Variants in SLC25A21 observed in about 807,000 individuals in gnomAD.
SLC25A21 encodes the protein solute carrier family 25 member 21.
SLC25A21 carries 47 observed loss-of-function variants against 43.8 expected under a neutral mutation model. That is an observed-to-expected ratio of 1.07 (90% CI 0.85 to 1.37). The LOEUF (loss-of-function observed/expected upper bound fraction) is 1.37. Ranked by LOEUF, SLC25A21 falls within the 40% of genes most tolerant of loss-of-function variation. The pLI is 0.00. For synonymous variants in SLC25A21, 131 were observed against 121.3 expected (o/e 1.08, Z -0.52); for missense variants, 352 against 350.2 (o/e 1.00, Z -0.04).
chr14:37,052,850 C>G (rs1055113904), intron 1 of SLC25A21, among the ~76,000 whole-genome samples: 2 of 152,096 alleles, frequency 1.3e-5, no homozygotes, highest in Non-Finnish European at 2.9e-5. Context: ...GTTGGCCAGA[C>G]TGATTTCGAA....
rs186277084 is a variant in SLC25A21 at position 36,740,641 on chromosome 14, A to C, written c.204-6068T>G. Among the ~76,000 whole-genome samples, 804 of 131,950 alleles carry C rather than the reference A, an allele frequency of 6.1e-3. 16 individuals are homozygous for C. Among genetic ancestry groups the C allele is most frequent in the Middle Eastern group, 4.6e-3 (1 of 216 alleles). 86.6% of individuals were successfully genotyped at this position (131,950 alleles called of 152,430 possible). On this transcript the variant is annotated intron_variant, in intron 3 of 9. Transcript: ENST00000331299. ...CATTCAACCCCCCCACCCCCATCTT[A>C]AAAGTGTGAAGCTATCTAACATATG...
At chr14:36,891,624 A>G (rs1200229653) in intron 1 of SLC25A21, among the ~76,000 whole-genome samples, 1 of 152,196 alleles carries the variant, frequency 6.6e-6, no homozygotes. Context: ...TAGCACCAGC[A>G]AAATCTATTC....
At chr14:36,878,588 C>T (rs1890615517) in intron 1 of SLC25A21, among the ~76,000 whole-genome samples, 1 of 152,056 alleles carries the variant, frequency 6.6e-6, no homozygotes, top group Non-Finnish European at 1.5e-5. Context: ...TAGAAGTGAC[C>T]TCAAGAAACT....
chr14:36,948,474 T>C (rs1416628688), intron 1 of SLC25A21, among the ~76,000 whole-genome samples: 2 of 152,072 alleles, frequency 1.3e-5, no homozygotes, highest in African/African-American at 2.4e-5. Flanking sequence ...AGAGAACAGA[T>C]AAAAATAATA....
chr14:36,905,565 T>C (rs1052018989), intron 1 of SLC25A21, among the ~76,000 whole-genome samples: 1 of 152,188 alleles, frequency 6.6e-6, no homozygotes, highest in Non-Finnish European at 1.5e-5. Flanking sequence ...AGTTCTCTAA[T>C]GAATAAAGCT....
chr14:36,909,241 G>A lies in SLC25A21; in HGVS notation c.71-34237C>T, dbSNP rs190498867. On this transcript the variant is annotated intron_variant, in intron 1 of 9. Transcript: ENST00000331299. ...CGAGGGGTCTGGTAGGCAACCAAAT[G>A]GGATGATACGCAGTTAGAAGCCTTG... is the stretch of plus-strand genomic sequence containing the variant. 9.8e-4 allele frequency among the ~76,000 whole-genome samples: 149 copies of A among 152,212 alleles called. 7 individuals carry two copies. The East Asian group carries it at 0.024, about 24-fold the overall frequency.
intron 1 of SLC25A21, among the ~76,000 whole-genome samples, chr14:37,008,578 T>C (rs183624197): frequency 4.7e-4 from 71 of 152,294 alleles, no homozygotes; most frequent in Non-Finnish European, 8.4e-4. Context: ...CTACCTATTA[T>C]GAAGAGTCAC....
At chr14:36,805,798 G>C (rs1888018430) in intron 3 of SLC25A21, among the ~76,000 whole-genome samples, 2 of 152,084 alleles carry the variant, frequency 1.3e-5, no homozygotes, top group South Asian at 2.1e-4. Context: ...ACATATACTT[G>C]ATGACTAAAA....
At chr14:36,980,081 C>T (rs930800088) in intron 1 of SLC25A21, among the ~76,000 whole-genome samples, 1 of 152,194 alleles carries the variant, frequency 6.6e-6, no homozygotes, top group Non-Finnish European at 1.5e-5. Flanking sequence ...TGCTTACTTA[C>T]GAAAGTACAG....
intron 1 of SLC25A21, among the ~76,000 whole-genome samples, chr14:37,143,791 A>C (rs1963611917): frequency 2.0e-5 from 3 of 152,186 alleles, no homozygotes; most frequent in Admixed American, 2.0e-4. Context: ...TAAGTGGTTC[A>C]AAGTTTCTTT....
chr14:36,941,381 A>T (rs1417889663), intron 1 of SLC25A21, among the ~76,000 whole-genome samples: 1 of 152,126 alleles, frequency 6.6e-6, no homozygotes, highest in Admixed American at 6.6e-5. Context: ...TGACTTTTTT[A>T]AATATAGGAG....
intron 1 of SLC25A21, among the ~76,000 whole-genome samples, chr14:36,967,499 C>T (rs752231673): frequency 6.6e-6 from 1 of 152,152 alleles, no homozygotes; most frequent in Non-Finnish European, 1.5e-5. Context: ...TTTTTGTGCA[C>T]CTGTTAATTA....
intron 1 of SLC25A21, among the ~76,000 whole-genome samples, chr14:37,091,082 C>T (rs1358465937): frequency 1.3e-5 from 2 of 152,114 alleles, no homozygotes; most frequent in African/African-American, 4.8e-5. Flanking sequence ...TAACTCAAGC[C>T]TGAACAAAGC....
intron 1 of SLC25A21, among the ~76,000 whole-genome samples, chr14:37,168,351 C>T (rs1344533365): frequency 6.6e-6 from 1 of 152,136 alleles, no homozygotes; most frequent in African/African-American, 2.4e-5. Flanking sequence ...TCAGTTTCTT[C>T]TGATGTGTAA....
intron 1 of SLC25A21, among the ~76,000 whole-genome samples, chr14:37,071,232 A>T (rs1450878060): frequency 6.6e-6 from 1 of 152,186 alleles, no homozygotes; most frequent in Non-Finnish European, 1.5e-5. Context: ...ATTGATGAAA[A>T]TTTTTAAAAA....
intron 2 of SLC25A21, among the ~76,000 whole-genome samples, chr14:36,824,263 G>A (rs1282768121): frequency 1.3e-5 from 2 of 152,066 alleles, no homozygotes; most frequent in Non-Finnish European, 2.9e-5. Context: ...AAAATTGGGG[G>A]AATGGAGATA....
rs1162182121 is a variant in SLC25A21 at position 37,098,770 on chromosome 14, C to CAGAT, written c.70+73510_70+73511insATCT. 9.6e-4 allele frequency among the ~76,000 whole-genome samples: 117 copies of CAGAT among 121,472 alleles called. 1 individual carries two copies. The highest frequency in any genetic ancestry group is 4.2e-3 in the African/African-American group (113 of 27,166). The allele number at this position is 121,472 out of a possible 152,430, so 79.7% of individuals were successfully genotyped here. A position where few individuals can be genotyped will look rare whatever the true frequency, so the allele number is the denominator to read the frequency against. ...ATAGACAGACAGACAGACAGACAGA[C>CAGAT]AGACAGACAGACAGACAGATAGATA... On this transcript the variant is annotated intron_variant, in intron 1 of 9. Transcript: ENST00000331299.
chr14:36,833,962 T>C (rs984679650), intron 2 of SLC25A21, among the ~76,000 whole-genome samples: 1 of 152,214 alleles, frequency 6.6e-6, no homozygotes, highest in African/African-American at 2.4e-5. Context: ...CAGGAGACTC[T>C]TGATTTCTTT....
chr14:37,148,138 CT>C, intron 1 of SLC25A21, among the ~76,000 whole-genome samples: 1 of 152,096 alleles, frequency 6.6e-6, no homozygotes, highest in Middle Eastern at 3.4e-3. Context: ...ACCCCCAGCC[CT>C]TATTTTCCTT....
Sources: allele counts gnomAD v4.1 joint callset (sites outside exome capture counted in the v4.1 genomes callset), GRCh38; gene constraint gnomAD v4.1.1; transcripts MANE v1.5; gene names NCBI Gene and HGNC (gene_info 2026-07-23, HGNC 2026-07-21).